Variants in ZNF536 observed in about 807,000 individuals in gnomAD.
The protein encoded by ZNF536 is zinc finger protein 536.
ZNF536 carries 13 observed loss-of-function variants against 84.5 expected under a neutral mutation model. The ratio of observed to expected loss-of-function variants is 0.15; its 90% CI spans 0.10 to 0.24. The LOEUF (loss-of-function observed/expected upper bound fraction) is 0.24. Ranked by LOEUF, ZNF536 falls within the 10% of genes least tolerant of loss-of-function variation. The pLI, the probability that ZNF536 is intolerant of heterozygous loss-of-function variation, is 1.00. For synonymous variants in ZNF536, 811 were observed against 742.5 expected (o/e 1.09, Z -1.50); for missense variants, 1,536 against 1,747.5 (o/e 0.88, Z 2.16).
intron 1 of ZNF536, among the ~76,000 whole-genome samples, chr19:30,567,012 G>A (rs992782909): frequency 2.6e-5 from 4 of 151,954 alleles, no homozygotes; most frequent in African/African-American, 9.7e-5. Flanking sequence ...GTCCCCGCGT[G>A]TGGCCTCTCC....
At chr19:30,567,719 C>T (rs952418371) in intron 1 of ZNF536, among the ~76,000 whole-genome samples, 7 of 152,138 alleles carry the variant, frequency 4.6e-5, no homozygotes, top group African/African-American at 1.7e-4. Flanking sequence ...TATTTATCAA[C>T]CTTATTCTCA....
chr19:30,526,024 C>T (rs552722935), intron 2 of ZNF536, among the ~76,000 whole-genome samples: 8 of 152,350 alleles, frequency 5.3e-5, no homozygotes, highest in African/African-American at 1.9e-4. Flanking sequence ...CTCTCAGACT[C>T]ATTCTCCTGC....
chr19:30,631,819 T>C (rs2048898468), intron 1 of ZNF536, among the ~76,000 whole-genome samples: 1 of 152,214 alleles, frequency 6.6e-6, no homozygotes, highest in African/African-American at 2.4e-5. Flanking sequence ...TCAGCTTTAA[T>C]AAGCACCCAT....
chr19:30,540,988 C>T (rs972462076), intron 3 of ZNF536, among the ~76,000 whole-genome samples: 2 of 152,242 alleles, frequency 1.3e-5, no homozygotes, highest in African/African-American at 4.8e-5. Flanking sequence ...GAGGCATGGC[C>T]ACTGTGGCAT....
Position 30,432,006 on chromosome 19 carries a change from T to TATATATATATATATAC in ZNF536, c.-2-11554_-2-11553insTATATATATATATACA, listed in dbSNP as rs149223384. On this transcript the variant is annotated intron_variant, in intron 1 of 4. Transcript: ENST00000355537. ...TTCATTAAAAGCATATATATATATA[T>TATATATATATATATAC]ACACACACACATACACACACACACA... is the stretch of plus-strand genomic sequence containing the variant. 3.4e-3 allele frequency among the ~76,000 whole-genome samples: 495 copies of TATATATATATATATAC among 146,032 alleles called. 7 individuals carry two copies. The highest frequency in any genetic ancestry group is 0.01 in the African/African-American group (395 of 39,038).
At chr19:30,420,454 C>A (rs529395650) in intron 1 of ZNF536, among the ~76,000 whole-genome samples, 82 of 152,272 alleles carry the variant, frequency 5.4e-4, no homozygotes, top group Non-Finnish European at 9.3e-4. Context: ...CTATCCAATG[C>A]AGTTTCTTCA....
At chr19:30,404,411 G>T (rs112697639) in intron 1 of ZNF536, among the ~76,000 whole-genome samples, 6 of 152,300 alleles carry the variant, frequency 3.9e-5, no homozygotes, top group African/African-American at 1.2e-4. Flanking sequence ...GCAGTGAGGC[G>T]CATGGCATGT....
At chr19:30,296,924 C>T (rs1029549579) in intron 2 of ZNF536, among the ~76,000 whole-genome samples, 2 of 152,120 alleles carry the variant, frequency 1.3e-5, no homozygotes, top group African/African-American at 4.8e-5. Flanking sequence ...GCCTCGCCTC[C>T]GTATTTACAG....
chr19:30,362,775 G>A (rs1181559128), intron 3 of ZNF536, among the ~76,000 whole-genome samples: 4 of 152,018 alleles, frequency 2.6e-5, no homozygotes, highest in African/African-American at 4.8e-5. Flanking sequence ...TTATGAGTGT[G>A]AGAGGCCAGG....
intron 1 of ZNF536, among the ~76,000 whole-genome samples, chr19:30,581,794 G>A (rs2046930448): frequency 6.6e-6 from 1 of 151,960 alleles, no homozygotes; most frequent in Non-Finnish European, 1.5e-5. Context: ...AAATTAGCCG[G>A]GCATGGTGGT....
intron 2 of ZNF536, among the ~76,000 whole-genome samples, chr19:30,493,695 G>T (rs1599575702): frequency 2.0e-5 from 3 of 151,940 alleles, no homozygotes; most frequent in South Asian, 4.2e-4. Flanking sequence ...GGTCACAGAA[G>T]TCTTGAGTGC....
At position 30,696,776 on chromosome 19, in the gene ZNF536, ACT is replaced by A. The variant is rs570824072; in HGVS notation, c.170-13978_170-13977del. On this transcript the variant is annotated intron_variant, in intron 1 of 1. Transcript: ENST00000592773. The stretch of plus-strand genomic sequence containing the variant: ...GGGGCTGAGCTGGGAGGCATGGGAG[ACT>A]CTGCACCACCAGCCAGAGGCTCCTC... Among the ~76,000 whole-genome samples the A allele has an allele frequency of 2.0e-3, 308 of 151,998 alleles. 1 individual carries two copies. The highest frequency in any genetic ancestry group is 2.7e-3 in the Non-Finnish European group (183 of 67,958).
At chr19:30,549,598 A>G (rs2146263657) in intron 4 of ZNF536, 84 bp downstream of exon 4, 1 of 1,372,952 alleles carries the variant, frequency 7.3e-7, no homozygotes, top group Non-Finnish European at 9.5e-7. Context: ...AGGTAGACTT[A>G]TCCATGAGCA....
At chr19:30,655,223 T>G (rs577643103) in intron 1 of ZNF536, among the ~76,000 whole-genome samples, 25 of 152,116 alleles carry the variant, frequency 1.6e-4, no homozygotes, top group Non-Finnish European at 3.5e-4. Flanking sequence ...ACTTAATGGG[T>G]CTTGTAGAGT....
chr19:30,699,739 CA>C (rs2051817941), intron 1 of ZNF536, among the ~76,000 whole-genome samples: 1 of 152,194 alleles, frequency 6.6e-6, no homozygotes, highest in Admixed American at 6.5e-5. Flanking sequence ...GCAGGATTGC[CA>C]GGGTCCTGGG....
At chr19:30,634,150 C>A (rs542681082) in intron 1 of ZNF536, among the ~76,000 whole-genome samples, 3 of 152,114 alleles carry the variant, frequency 2.0e-5, no homozygotes, top group African/African-American at 7.2e-5. Flanking sequence ...AAATGTCTTT[C>A]TCTCCCGCCT....
intron 1 of ZNF536, among the ~76,000 whole-genome samples, chr19:30,394,235 A>T (rs1568386796): frequency 1.3e-5 from 2 of 152,114 alleles, no homozygotes; most frequent in Non-Finnish European, 2.9e-5. Context: ...TTCTTGTGTT[A>T]TAGAATTGCT....
intron 2 of ZNF536, among the ~76,000 whole-genome samples, chr19:30,483,324 G>C (rs1358241739): frequency 6.6e-6 from 1 of 152,128 alleles, no homozygotes; most frequent in Admixed American, 6.5e-5. Context: ...TCCCCTTCTG[G>C]GAAATGCATC....
chr19:30,350,288 G>A (rs988244729), intron 2 of ZNF536, among the ~76,000 whole-genome samples: 5 of 152,190 alleles, frequency 3.3e-5, no homozygotes, highest in African/African-American at 1.2e-4. Context: ...TAGTAAGCAG[G>A]TGAAATCAAA....
Sources: gnomAD v4.1 joint callset for allele counts (sites outside exome capture counted in the v4.1 genomes callset) on GRCh38, gnomAD v4.1.1 for gene constraint, MANE v1.5 for transcripts, NCBI Gene and HGNC (gene_info 2026-07-23, HGNC 2026-07-21) for gene names.